Variants in MAGI3 observed in about 807,000 individuals in gnomAD.
The protein encoded by MAGI3 is membrane-associated guanylate kinase, WW and PDZ domain-containing protein 3.
MAGI3 carries 43 observed loss-of-function variants against 121.8 expected under a neutral mutation model. The observed-to-expected ratio is 0.35, with a 90% CI of 0.28 to 0.46. The LOEUF (loss-of-function observed/expected upper bound fraction) is 0.46, where lower values mean the gene tolerates loss of function less well. MAGI3 is among the 20% of genes least tolerant of loss of function. The probability of loss-of-function intolerance (pLI) is 1.00; values close to 1 mark genes in which losing one functional copy is unlikely to be tolerated. For synonymous variants in MAGI3, 553 were observed against 639.3 expected, an observed-to-expected ratio of 0.86 and a Z score of 2.04; for missense variants, 1,547 against 1,797.3, an observed-to-expected ratio of 0.86 and a Z score of 2.52.
At chr1:113,397,213 C>G (rs1394025788) in intron 1 of MAGI3, among the ~76,000 whole-genome samples, 8 of 152,078 alleles carry the variant, frequency 5.3e-5, no homozygotes, top group Admixed American at 2.0e-4. Flanking sequence ...ACTTTTAATT[C>G]TAAGAAATTA....
intron 11 of MAGI3, among the ~76,000 whole-genome samples, chr1:113,644,249 A>C (rs1169954609): frequency 1.3e-5 from 2 of 152,028 alleles, no homozygotes; most frequent in Non-Finnish European, 1.5e-5. Flanking sequence ...TTAAGACTAA[A>C]TTAGGCTTAT....
intron 6 of MAGI3, among the ~76,000 whole-genome samples, chr1:113,599,521 G>C (rs1023289049): frequency 6.6e-6 from 1 of 152,096 alleles, no homozygotes; most frequent in Admixed American, 6.6e-5. Context: ...ACTAAACCAG[G>C]AAGAAGTTGA....
At chr1:113,592,973 C>T (rs1469521499) in intron 5 of MAGI3, among the ~76,000 whole-genome samples, 1 of 152,180 alleles carries the variant, frequency 6.6e-6, no homozygotes, top group Non-Finnish European at 1.5e-5. Flanking sequence ...GATCGGGCCA[C>T]TGCACTCCAG....
At chr1:113,661,885 T>A (rs1229680707) in intron 16 of MAGI3, among the ~76,000 whole-genome samples, 1 of 152,220 alleles carries the variant, frequency 6.6e-6, no homozygotes, top group African/African-American at 2.4e-5. Flanking sequence ...TTTTTTAAAC[T>A]ATGAAAACAT....
intron 14 of MAGI3, among the ~76,000 whole-genome samples, chr1:113,652,510 G>A (rs1487017937): frequency 2.6e-5 from 4 of 152,180 alleles, no homozygotes; most frequent in South Asian, 4.2e-4. Context: ...CCTCAATTTG[G>A]TTGTGTTGGA....
At chr1:113,636,614 C>G (rs1221192420) in intron 9 of MAGI3, among the ~76,000 whole-genome samples, 3 of 152,004 alleles carry the variant, frequency 2.0e-5, no homozygotes, top group Non-Finnish European at 2.9e-5. Context: ...AATTTCTGTT[C>G]TTTTACATTT....
chr1:113,528,057 T>C (rs1175043569), intron 1 of MAGI3, among the ~76,000 whole-genome samples: 1 of 152,160 alleles, frequency 6.6e-6, no homozygotes, highest in Non-Finnish European at 1.5e-5. Flanking sequence ...CTAAAATATT[T>C]AGCATGTATT....
chr1:113,630,538 GT>G (rs1350709445), intron 9 of MAGI3, among the ~76,000 whole-genome samples: 1 of 152,100 alleles, frequency 6.6e-6, no homozygotes, highest in Non-Finnish European at 1.5e-5. Flanking sequence ...TTTCACCATA[GT>G]TACCACAGCA....
chr1:113,581,023 A>T (rs532869813), intron 3 of MAGI3: 1 of 154,134 alleles, frequency 6.5e-6, no homozygotes, highest in South Asian at 2.1e-4. Context: ...AAAAACTTAC[A>T]TGTACCTTGA....
intron 16 of MAGI3, among the ~76,000 whole-genome samples, chr1:113,667,842 G>A (rs1276601264): frequency 6.6e-6 from 1 of 152,162 alleles, no homozygotes; most frequent in African/African-American, 2.4e-5. Flanking sequence ...TCAATATTGT[G>A]CATCTCAGGG....
chr1:113,608,568 C>T (rs1456528626), intron 6 of MAGI3, among the ~76,000 whole-genome samples: 32 of 152,196 alleles, frequency 2.1e-4, no homozygotes, highest in Admixed American at 2.1e-3. Flanking sequence ...AACGGGCAGA[C>T]ATGGCAGAGA....
intron 1 of MAGI3, among the ~76,000 whole-genome samples, chr1:113,509,444 T>C (rs1399388347): frequency 6.9e-6 from 1 of 145,790 alleles, no homozygotes; most frequent in Non-Finnish European, 1.5e-5. Flanking sequence ...AGTTAACCAA[T>C]GCTGAGACAT....
chr1:113,618,343 A>C (rs1185578617), intron 7 of MAGI3, among the ~76,000 whole-genome samples: 1 of 152,124 alleles, frequency 6.6e-6, no homozygotes, highest in African/African-American at 2.4e-5. Flanking sequence ...TCTCCAAAAA[A>C]AAAATAAATA....
chr1:113,681,403 T>TA (rs1648208953), intron 20 of MAGI3, 67 bp downstream of exon 20: 3 of 1,526,448 alleles, frequency 2.0e-6, no homozygotes, highest in Non-Finnish European at 2.7e-6. Flanking sequence ...GAAAAAGGAA[T>TA]ATATATTTGG....
chr1:113,576,756 A>G (rs964899708), intron 2 of MAGI3: 3 of 152,244 alleles, frequency 2.0e-5, no homozygotes, highest in Non-Finnish European at 4.4e-5. Context: ...CAATTGCTTT[A>G]TGAGGTTGAA....
Position 113,676,633 on chromosome 1 carries a change from T to C in MAGI3, c.3189+3168T>C, listed in dbSNP as rs1362019625. 2.0e-5 allele frequency among the ~76,000 whole-genome samples: 3 copies of C among 152,162 alleles called. No homozygotes were observed. In the East Asian group the frequency reaches 5.8e-4, roughly 29 times the overall value. On this transcript the variant is annotated intron_variant, in intron 19 of 20. Coordinates refer to ENST00000307546, the MANE Select transcript of MAGI3 (RefSeq NM_001142782.2). ...TGATACAGCTCATGAGGGCTTTGCA[T>C]ATAACTAGTGCTCAATAAAATGTTA...
intron 1 of MAGI3, among the ~76,000 whole-genome samples, chr1:113,532,544 C>A (rs182778385): frequency 4.1e-4 from 62 of 152,138 alleles, no homozygotes; most frequent in East Asian, 2.3e-3. Flanking sequence ...TTTTTAATGT[C>A]TCTTCTAAAT....
At chr1:113,480,571 T>C (rs1324848168) in intron 1 of MAGI3, among the ~76,000 whole-genome samples, 3 of 152,170 alleles carry the variant, frequency 2.0e-5, no homozygotes, top group Non-Finnish European at 4.4e-5. Context: ...GGTGAAGTCA[T>C]GTGCTCACGT....
chr1:113,485,249 A>G (rs1479287290), intron 1 of MAGI3, among the ~76,000 whole-genome samples: 1 of 152,228 alleles, frequency 6.6e-6, no homozygotes, highest in African/African-American at 2.4e-5. Flanking sequence ...ACTCGTTTCC[A>G]TAGTGATTGT....
Sources: allele counts gnomAD v4.1 joint callset (sites outside exome capture counted in the v4.1 genomes callset), GRCh38; gene constraint gnomAD v4.1.1; transcripts MANE v1.5; gene names NCBI Gene and HGNC (gene_info 2026-07-23, HGNC 2026-07-21).